The following CYP2C18 variants were observed in gnomAD, a reference collection of about 807,000 sequenced individuals.
CYP2C18 encodes cytochrome P450 2C18.
CYP2C18 carries 38 observed loss-of-function variants against 41.3 expected under a neutral mutation model. That is an observed-to-expected ratio of 0.92 (90% confidence interval 0.71 to 1.21). CYP2C18 has a LOEUF of 1.21. CYP2C18 is among the 50% of genes most tolerant of loss of function. The pLI, the probability that CYP2C18 is intolerant of heterozygous loss-of-function variation, is 0.00. For synonymous variants in CYP2C18, 236 were observed against 210.0 expected (o/e 1.12, Z -1.07); for missense variants, 635 against 591.4 (o/e 1.07, Z -0.77).
intron 7 of CYP2C18, among the ~76,000 whole-genome samples, chr10:94,728,074 G>A (rs1225873747): frequency 6.6e-6 from 1 of 151,984 alleles, no homozygotes; most frequent in East Asian, 1.9e-4. Context: ...GTCCAGTCAA[G>A]GAACAAGCTT....
chr10:94,710,888 A>T (rs1847425088), intron 5 of CYP2C18, among the ~76,000 whole-genome samples: 1 of 152,208 alleles, frequency 6.6e-6, no homozygotes, highest in South Asian at 2.1e-4. Context: ...AGAGGATTGA[A>T]TAGGAAGAAA....
intron 4 of CYP2C18, among the ~76,000 whole-genome samples, chr10:94,704,171 A>T (rs1847294959): frequency 6.6e-6 from 1 of 152,060 alleles, no homozygotes; most frequent in Non-Finnish European, 1.5e-5. Context: ...AGCTGTTCTT[A>T]TTTGGCCATC....
chr10:94,730,236 T>A (rs1168337749), intron 7 of CYP2C18, among the ~76,000 whole-genome samples: 1 of 152,086 alleles, frequency 6.6e-6, no homozygotes, highest in Non-Finnish European at 1.5e-5. Context: ...TAAATGAAAA[T>A]TTTTAGGATG....
intron 4 of CYP2C18, among the ~76,000 whole-genome samples, chr10:94,696,528 G>A (rs953405804): frequency 1.3e-5 from 2 of 152,016 alleles, no homozygotes; most frequent in African/African-American, 4.8e-5. Flanking sequence ...CAAAGATGGG[G>A]AAAAAACAGA....
At chr10:94,698,026 A>G (rs1847154965) in intron 4 of CYP2C18, among the ~76,000 whole-genome samples, 1 of 152,186 alleles carries the variant, frequency 6.6e-6, no homozygotes, top group South Asian at 2.1e-4. Context: ...CCACACAATA[A>G]TAATGGGAGA....
At chr10:94,719,343 G>A (rs1457462510) in intron 5 of CYP2C18, among the ~76,000 whole-genome samples, 1 of 151,968 alleles carries the variant, frequency 6.6e-6, no homozygotes, top group African/African-American at 2.4e-5. Context: ...TAGCTCTGAA[G>A]CATCCTAGAA....
At chr10:94,707,100 G>T in intron 5 of CYP2C18, 140 bp downstream of exon 5, 1 of 529,334 alleles carries the variant, frequency 1.9e-6, no homozygotes, top group Non-Finnish European at 3.2e-6. Context: ...GCACCATGGA[G>T]AATTTATAAT....
rs143083862 is a variant in CYP2C18, at chr10:94,686,418, C to G, written c.169-1352C>G. On this transcript the variant is annotated intron_variant, in intron 1 of 8. Transcript: ENST00000285979. ...TATATGAATATTTTCTGTCTTTAGT[C>G]TAATTGCTCTGACTAGGACTTCCAG... Among the ~76,000 whole-genome samples the G allele has an allele frequency of 3.1e-3, 471 of 152,258 alleles. 3 individuals carry two copies. Among genetic ancestry groups the G allele is most frequent in the African/African-American group, 0.011 (448 of 41,576 alleles).
intron 7 of CYP2C18, chr10:94,728,543 CTG>C (rs1847779884): frequency 3.9e-6 from 2 of 516,770 alleles, no homozygotes; most frequent in Non-Finnish European, 5.0e-6. Context: ...ATCCTTCCTT[CTG>C]TGTTTTTTAG....
intron 5 of CYP2C18, among the ~76,000 whole-genome samples, chr10:94,709,063 T>C (rs1847390525): frequency 6.6e-6 from 1 of 152,194 alleles, no homozygotes; most frequent in South Asian, 2.1e-4. Context: ...TAGATAAGTT[T>C]TTATTTCTCT....
At chr10:94,716,511 GT>G (rs1294917785) in intron 5 of CYP2C18, among the ~76,000 whole-genome samples, 6 of 151,808 alleles carry the variant, frequency 4.0e-5, no homozygotes, top group East Asian at 1.9e-4. Flanking sequence ...TTTCTTAATT[GT>G]AGTTCTAGTT....
Position 94,711,303 on chromosome 10 carries a change from T to A in CYP2C18, c.819+4343T>A, listed in dbSNP as rs533711644. 2.0e-5 allele frequency among the ~76,000 whole-genome samples: 3 copies of A among 152,336 alleles called. No individual in the cohort carries two copies. In the East Asian group the frequency reaches 5.8e-4, roughly 29 times the overall value. The stretch of plus-strand genomic sequence containing the variant: ...TATAATAATGGCTGGCCCCATCTTG[T>A]CTTGTCAATCTGTTCTCTTTCTCCA... On this transcript the variant is annotated intron_variant, in intron 5 of 8. Coordinates refer to ENST00000285979, the MANE Select transcript of CYP2C18 (RefSeq NM_000772.3).
At position 94,683,811 on chromosome 10, in the gene CYP2C18, A is replaced by G. The variant is rs377514919; in HGVS notation, c.-9A>G. The G allele has an allele frequency of 5.1e-6, 8 of 1,579,302 alleles. No individual in the cohort carries two copies. The highest frequency in any genetic ancestry group is 6.9e-6 in the Non-Finnish European group (8 of 1,163,250). On this transcript the variant is annotated 5_prime_UTR_variant, in exon 1 of 9. Coordinates refer to ENST00000285979, the MANE Select transcript of CYP2C18 (RefSeq NM_000772.3). The stretch of plus-strand genomic sequence containing the variant: ...CCCGCAGTTGTCTTACTAAGAAGAG[A>G]AGCCTTCAATGGATCCAGCTGTGGC...
chr10:94,709,084 C>G (rs1847391112), intron 5 of CYP2C18, among the ~76,000 whole-genome samples: 1 of 152,092 alleles, frequency 6.6e-6, no homozygotes, highest in Non-Finnish European at 1.5e-5. Flanking sequence ...TGGGTATATA[C>G]TTGGCTGCAG....
At chr10:94,704,324 G>T (rs1282878293) in intron 4 of CYP2C18, among the ~76,000 whole-genome samples, 4 of 145,140 alleles carry the variant, frequency 2.8e-5, no homozygotes, top group South Asian at 2.2e-4. Flanking sequence ...GCCTGCTATA[G>T]TTTTTATTTT....
At chr10:94,728,787 C>T (rs1847785050) in intron 7 of CYP2C18, 1 of 161,212 alleles carries the variant, frequency 6.2e-6, no homozygotes, top group Non-Finnish European at 1.3e-5. Context: ...CCACCATGTA[C>T]ACAGGGAAAA....
intron 7 of CYP2C18, among the ~76,000 whole-genome samples, chr10:94,730,758 T>C (rs192638339): frequency 6.6e-6 from 1 of 152,276 alleles, no homozygotes; most frequent in Non-Finnish European, 1.5e-5. Flanking sequence ...ACTGATGATA[T>C]GATTCTACAC....
Position 94,720,420 on chromosome 10 carries a change from T to TAGAA in CYP2C18, c.844_845insAGAA (p.Phe282Ter). 1 of 1,611,430 alleles carries TAGAA rather than the reference T, an allele frequency of 6.2e-7. No individual in the cohort carries two copies. Among genetic ancestry groups the TAGAA allele is most frequent in the Non-Finnish European group, 8.5e-7 (1 of 1,178,720 alleles). On this transcript the variant is annotated stop_gained and frameshift_variant, in exon 6 of 9. Coordinates refer to ENST00000285979, the MANE Select transcript of CYP2C18 (RefSeq NM_000772.3). LOFTEE classifies it high-confidence loss of function. ...GGAAAAGCACAATCAACAGTCTGAA[T>TAGAA]TTACTGTTGAAAGCTTGATAGCCAC...
At chr10:94,706,664 C>T in intron 4 of CYP2C18, 120 bp from the exon 5 acceptor site, 2 of 583,286 alleles carry the variant, frequency 3.4e-6, no homozygotes, top group Non-Finnish European at 3.0e-6. Flanking sequence ...TAATCAAATG[C>T]TCCTCTTACA....
Sources: gnomAD v4.1 joint callset for allele counts (sites outside exome capture counted in the v4.1 genomes callset) on GRCh38, gnomAD v4.1.1 for gene constraint, MANE v1.5 for transcripts, NCBI Gene and HGNC (gene_info 2026-07-23, HGNC 2026-07-21) for gene names.